Variants in SIRT5 observed in about 807,000 individuals in gnomAD.
The protein encoded by SIRT5 is NAD-dependent protein deacylase sirtuin-5, mitochondrial.
A neutral mutation model predicts 40.0 loss-of-function variants in SIRT5; 26 were observed. The ratio of observed to expected loss-of-function variants is 0.65; its 90% CI spans 0.48 to 0.90. The LOEUF (loss-of-function observed/expected upper bound fraction) is 0.90. Among genes scored for constraint, SIRT5 ranks in the 40% least tolerant of loss-of-function variants. SIRT5 has a pLI of 0.00. For missense variants in SIRT5, 401 were observed against 402.4 expected (o/e 1.00, Z 0.03); for synonymous variants, 146 against 149.1 (o/e 0.98, Z 0.15).
At chr6:13,592,937 T>TG (rs1761125291) in intron 5 of SIRT5, among the ~76,000 whole-genome samples, 1 of 134,286 alleles carries the variant, frequency 7.4e-6, no homozygotes, top group South Asian at 2.4e-4. Flanking sequence ...TTTTTAGCAA[T>TG]GGGGGTTTCA....
intron 2 of SIRT5, among the ~76,000 whole-genome samples, chr6:13,580,856 T>G (rs1759258892): frequency 6.6e-6 from 1 of 152,106 alleles, no homozygotes; most frequent in Admixed American, 6.6e-5. Context: ...AGATGGGGTC[T>G]CACTTTGTTG....
intron 2 of SIRT5, among the ~76,000 whole-genome samples, chr6:13,581,510 G>A (rs1476279759): frequency 6.6e-6 from 1 of 152,166 alleles, no homozygotes; most frequent in African/African-American, 2.4e-5. Flanking sequence ...TTGATCACTT[G>A]GTTAAGGTGG....
intron 3 of SIRT5, among the ~76,000 whole-genome samples, chr6:13,585,851 T>C (rs1425455596): frequency 6.6e-6 from 1 of 152,196 alleles, no homozygotes; most frequent in East Asian, 1.9e-4. Flanking sequence ...TAATTTACAC[T>C]CCCACCAACA....
At position 13,611,266 on chromosome 6, in the gene SIRT5, T is replaced by TAC. The variant is rs1299487649; in HGVS notation, c.858-516_858-515dup. Among the ~76,000 whole-genome samples the TAC allele has an allele frequency of 5.5e-5, 8 of 146,760 alleles. No individual in the cohort carries two copies. In the East Asian group the frequency reaches 1.6e-3, roughly 29 times the overall value. Reference sequence around the variant, plus strand: ...ACACACATACACACACACATATATATACACACACATATATACACAAAAAAG... The same window carrying TAC: ...ACACACATACACACACACATATATATACACACACACATATATACACAAAAAAG... On this transcript the variant is annotated intron_variant, in intron 9 of 9. Coordinates refer to ENST00000606117, the MANE Select transcript of SIRT5 (RefSeq NM_012241.5).
At position 13,607,603 on chromosome 6, in the gene SIRT5, G is replaced by T. The variant is rs1763288791; in HGVS notation, c.858-4187G>T. Among the ~76,000 whole-genome samples, 1 of 152,190 alleles carries T rather than the reference G, an allele frequency of 6.6e-6. No individual in the cohort carries two copies. The highest frequency in any genetic ancestry group is 6.5e-5 in the Admixed American group (1 of 15,278). ...AGTCGTGGTTGTCCTACAACTGGTG[G>T]GGGCCAGCAGAGTGCACAGGTGTGC... On this transcript the variant is annotated intron_variant, in intron 9 of 9. Transcript: ENST00000606117. This position sits in a 1 kb window ranked among gnomAD's most constrained non-coding sequence, Gnocchi z 4.0.
At chr6:13,595,355 C>G in intron 5 of SIRT5, 122 bp from the exon 6 acceptor site, 1 of 740,130 alleles carries the variant, frequency 1.4e-6, no homozygotes. Flanking sequence ...GCCTGGGTAA[C>G]TGGGTGAGAC....
intron 1 of SIRT5, among the ~76,000 whole-genome samples, chr6:13,578,437 G>A (rs1017229030): frequency 8.6e-5 from 13 of 151,924 alleles, no homozygotes; most frequent in African/African-American, 2.7e-4. Flanking sequence ...TGGCTAACAC[G>A]GTGAAACCCC....
intron 4 of SIRT5, among the ~76,000 whole-genome samples, chr6:13,590,006 C>CA (rs1308446547): frequency 1.3e-5 from 2 of 152,156 alleles, no homozygotes; most frequent in African/African-American, 2.4e-5. Flanking sequence ...GTCAACCTCT[C>CA]ACGTGGCAAA....
intron 3 of SIRT5, among the ~76,000 whole-genome samples, chr6:13,585,912 C>T (rs1276549158): frequency 6.6e-6 from 1 of 152,166 alleles, no homozygotes; most frequent in African/African-American, 2.4e-5. Context: ...CTGTTGTTTC[C>T]TGACTTTTTA....
intron 7 of SIRT5, 63 bp downstream of exon 7, chr6:13,597,079 C>T: frequency 2.4e-6 from 3 of 1,261,174 alleles, no homozygotes; most frequent in Non-Finnish European, 3.4e-6. Flanking sequence ...AAAAAACAGA[C>T]ATCAAAACCT....
intron 9 of SIRT5, among the ~76,000 whole-genome samples, chr6:13,609,273 A>C (rs974727275): frequency 2.6e-5 from 4 of 152,202 alleles, no homozygotes; most frequent in Non-Finnish European, 5.9e-5. Context: ...GTATTCTGTC[A>C]AGATCAGGTT....
intron 2 of SIRT5, among the ~76,000 whole-genome samples, 188 bp from the exon 3 acceptor site, chr6:13,583,888 C>T (rs1759704401): frequency 6.6e-6 from 1 of 152,140 alleles, no homozygotes; most frequent in Admixed American, 6.6e-5. Flanking sequence ...GGAAAACAGC[C>T]AGTTCAGAGG....
rs928764510 is a variant in SIRT5 at position 13,614,240 on chromosome 6, G to A, written c.*2375G>A. 5.3e-5 allele frequency: 8 copies of A among 152,206 alleles called. No homozygotes were observed. The highest frequency in any genetic ancestry group is 1.7e-4 in the African/African-American group (7 of 41,450). The allele number at this position is 152,206 out of a possible 1,614,324, so 9.4% of individuals were successfully genotyped here. ...GAGCAACTGTCATATAAGCTGTTAT[G>A]AAGTGCAGAAACTACACAGACATTT... is the stretch of plus-strand genomic sequence containing the variant. On this transcript the variant is annotated 3_prime_UTR_variant, in exon 10 of 10. Coordinates refer to ENST00000606117, the MANE Select transcript of SIRT5 (RefSeq NM_012241.5).
intron 9 of SIRT5, among the ~76,000 whole-genome samples, chr6:13,604,227 A>T (rs1413867349): frequency 6.6e-6 from 1 of 152,232 alleles, no homozygotes. Context: ...TAAAAAGTTA[A>T]ATGATCTTCT....
At chr6:13,585,537 C>T (rs975295712) in intron 3 of SIRT5, among the ~76,000 whole-genome samples, 4 of 152,238 alleles carry the variant, frequency 2.6e-5, no homozygotes, top group African/African-American at 9.6e-5. Context: ...ATGATGGTTT[C>T]CAGCATCATC....
intron 6 of SIRT5, 86 bp from the exon 7 acceptor site, chr6:13,596,877 G>T: frequency 9.1e-7 from 1 of 1,104,210 alleles, no homozygotes; most frequent in South Asian, 1.4e-5. Flanking sequence ...CATACTGCCA[G>T]GCAAATATAC....
rs1761647538 is a variant in SIRT5, at chr6:13,597,030, T to A, written c.617+14T>A. On this transcript the variant is annotated intron_variant, in intron 7 of 9. Transcript: ENST00000606117. ...GAAACTTCCCCGGTAGGTAGAAAAC[T>A]CTGATTTGTACTGGTGTTCCAGGTT... The A allele has an allele frequency of 1.9e-6, 3 of 1,605,382 alleles. No individual in the cohort carries two copies. Among genetic ancestry groups the A allele is most frequent in the East Asian group, 4.5e-5 (2 of 44,812 alleles).
At chr6:13,583,267 C>CTT (rs111896911) in intron 2 of SIRT5, among the ~76,000 whole-genome samples, 2,294 of 136,200 alleles carry the variant, frequency 0.017, 58 homozygotes, top group African/African-American at 0.051. Context: ...GTTTTCATAC[C>CTT]TTCTTTTTTT....
Position 13,612,019 on chromosome 6 carries a change from GT to G in SIRT5, c.*157del. 1.7e-6 allele frequency: 1 copy of G among 586,800 alleles called. No homozygotes were observed. The highest frequency in any genetic ancestry group is 2.9e-6 in the Non-Finnish European group (1 of 344,384). The allele number at this position is 586,800 out of a possible 1,614,324, so 36.3% of individuals were successfully genotyped here. A position where few individuals can be genotyped will look rare whatever the true frequency, so the allele number is the denominator to read the frequency against. On this transcript the variant is annotated 3_prime_UTR_variant, in exon 10 of 10. Transcript: ENST00000606117. ...TCCAACCTGTTGATAAGTGATGGGG[GT>G]TTAGAAGTAGCAAAGAGCACCCACA...
Sources: allele counts gnomAD v4.1 joint callset (sites outside exome capture counted in the v4.1 genomes callset), GRCh38; gene constraint gnomAD v4.1.1; non-coding constraint Gnocchi (gnomAD v3.1); transcripts MANE v1.5; gene names NCBI Gene and HGNC (gene_info 2026-07-23, HGNC 2026-07-21).